Variants in RNF149 observed in about 807,000 individuals in gnomAD.
The protein encoded by RNF149 is ring finger protein 149.
RNF149 carries 21 observed loss-of-function variants against 39.0 expected under a neutral mutation model. That is an observed-to-expected ratio of 0.54 (90% CI 0.38 to 0.77). The LOEUF (loss-of-function observed/expected upper bound fraction) is 0.77. RNF149 is among the 30% of genes least tolerant of loss of function. The pLI is 0.00. For synonymous variants in RNF149, 209 were observed against 213.6 expected, an observed-to-expected ratio of 0.98 and a Z score of 0.19; for missense variants, 493 against 534.9, an observed-to-expected ratio of 0.92 and a Z score of 0.77.
chr2:101,298,444 TTAAA>T (rs1436766489), intron 1 of RNF149, among the ~76,000 whole-genome samples: 2 of 151,854 alleles, frequency 1.3e-5, no homozygotes, highest in East Asian at 3.9e-4. Flanking sequence ...AATAATAAAA[TTAAA>T]TAAATAAAAA....
chr2:101,298,126 G>A (rs527924769), intron 1 of RNF149, among the ~76,000 whole-genome samples: 8 of 152,248 alleles, frequency 5.3e-5, no homozygotes, highest in African/African-American at 1.9e-4. Context: ...TAACCAATGA[G>A]GTATCTATAA....
rs895977742 is a variant in RNF149, at chr2:101,276,998, C to G, written c.*240G>C. 9 of 1,235,226 alleles carry G rather than the reference C, an allele frequency of 7.3e-6. No homozygotes were observed. In the African/African-American group the frequency reaches 1.2e-4, roughly 17 times the overall value. 76.5% of individuals were successfully genotyped at this position (1,235,226 alleles called of 1,614,324 possible). On this transcript the variant is annotated 3_prime_UTR_variant, in exon 7 of 7. Transcript: ENST00000295317. ...CTGCCCCAGTTGTCTTTGTAATAGTCTGAAGCAACACACTGTTCATGGTAA... is the reference window on the plus strand; with the variant it reads ...CTGCCCCAGTTGTCTTTGTAATAGTGTGAAGCAACACACTGTTCATGGTAA...
At chr2:101,300,046 A>G (rs934135664) in intron 1 of RNF149, among the ~76,000 whole-genome samples, 1 of 152,256 alleles carries the variant, frequency 6.6e-6, no homozygotes, top group African/African-American at 2.4e-5. Flanking sequence ...GGGAATGAGA[A>G]TGACTCTATT....
At chr2:101,307,327 G>A (rs1683704140) in intron 1 of RNF149, among the ~76,000 whole-genome samples, 2 of 152,058 alleles carry the variant, frequency 1.3e-5, no homozygotes, top group Admixed American at 6.5e-5. Flanking sequence ...GACTACGGGC[G>A]GGCGCCACCA....
In RNF149 at chr2:101,275,987, A is replaced by G. The variant is rs1682332402; in HGVS notation, c.*1251T>C. The G allele has an allele frequency of 1.8e-5, 17 of 944,336 alleles. No individual in the cohort carries two copies. In the South Asian group the frequency reaches 8.3e-4, roughly 46 times the overall value. The allele number at this position is 944,336 out of a possible 1,614,324, so 58.5% of individuals were successfully genotyped here. ...CAGTAAAACTGTTTACTATTTCATG[A>G]TGAGTAGCTAGAATTAAAGCATTAA... On this transcript the variant is annotated 3_prime_UTR_variant, in exon 7 of 7. Transcript: ENST00000295317.
intron 6 of RNF149, among the ~76,000 whole-genome samples, chr2:101,278,370 C>A (rs1025800232): frequency 6.6e-6 from 1 of 152,086 alleles, no homozygotes; most frequent in Non-Finnish European, 1.5e-5. Context: ...TGGCCTCATG[C>A]GATGCAATCT....
chr2:101,284,994 A>G (rs1682739979), intron 5 of RNF149, among the ~76,000 whole-genome samples: 1 of 152,174 alleles, frequency 6.6e-6, no homozygotes, highest in African/African-American at 2.4e-5. Flanking sequence ...TCCCAGACTC[A>G]TGCGATCCTC....
intron 1 of RNF149, among the ~76,000 whole-genome samples, chr2:101,296,433 A>T (rs1683237566): frequency 6.6e-6 from 1 of 152,212 alleles, no homozygotes; most frequent in African/African-American, 2.4e-5. Flanking sequence ...AGATGATCAG[A>T]ACAATGTTTT....
chr2:101,286,418 G>A, intron 4 of RNF149: 1 of 327,180 alleles, frequency 3.1e-6, no homozygotes, highest in South Asian at 8.5e-5. Context: ...TCTCACGCTA[G>A]GTTGTACATT....
At chr2:101,305,800 C>T (rs2104442255) in intron 1 of RNF149, among the ~76,000 whole-genome samples, 1 of 152,194 alleles carries the variant, frequency 6.6e-6, no homozygotes, top group South Asian at 2.1e-4. Context: ...TCGTCTCTGG[C>T]TAATCTTTTA....
In RNF149 at chr2:101,276,563, T is replaced by G. The variant is rs555951187; in HGVS notation, c.*675A>C. The G allele has an allele frequency of 2.0e-6, 2 of 985,762 alleles. No homozygotes were observed. The highest frequency in any genetic ancestry group is 3.5e-5 in the African/African-American group (2 of 57,294). 61.1% of individuals were successfully genotyped at this position (985,762 alleles called of 1,614,324 possible). On this transcript the variant is annotated 3_prime_UTR_variant, in exon 7 of 7. Coordinates refer to ENST00000295317, the MANE Select transcript of RNF149 (RefSeq NM_173647.4). ...GCGATATAGAATCTTAGCTTTTTAT[T>G]TGTAGGAAAAAATAAACAGATTTCC...
rs1573214487 is a variant in RNF149 at position 101,275,872 on chromosome 2, T to A, written c.*1366A>T. On this transcript the variant is annotated 3_prime_UTR_variant, in exon 7 of 7. Transcript: ENST00000295317. ...GGCTGTTATGGAAACCTACTTGAGG[T>A]TGTCTGCTAAAACCAACTCAGTGTG... is the stretch of plus-strand genomic sequence containing the variant. 1 of 985,090 alleles carries A rather than the reference T, an allele frequency of 1.0e-6. No individual in the cohort carries two copies. The highest frequency in any genetic ancestry group is 1.7e-5 in the African/African-American group (1 of 57,224). The allele number at this position is 985,090 out of a possible 1,614,324, so 61.0% of individuals were successfully genotyped here. A position where few individuals can be genotyped will look rare whatever the true frequency, so the allele number is the denominator to read the frequency against.
At chr2:101,292,161 T>C (rs937532766) in intron 3 of RNF149, among the ~76,000 whole-genome samples, 2 of 152,242 alleles carry the variant, frequency 1.3e-5, no homozygotes, top group Non-Finnish European at 2.9e-5. Flanking sequence ...TGGTTTCTAC[T>C]GAATGTGTAT....
intron 1 of RNF149, among the ~76,000 whole-genome samples, chr2:101,304,063 T>C (rs995455847): frequency 1.3e-5 from 2 of 152,358 alleles, no homozygotes; most frequent in Middle Eastern, 6.8e-3. Flanking sequence ...AATTTCCACC[T>C]ACCTTGGTCA....
intron 1 of RNF149, among the ~76,000 whole-genome samples, chr2:101,300,405 AAC>A (rs1683406964): frequency 6.6e-6 from 1 of 152,220 alleles, no homozygotes; most frequent in Admixed American, 6.5e-5. Flanking sequence ...ATACTGCCGC[AAC>A]AAGTATCAGG....
At chr2:101,288,403 A>T (rs575386620) in intron 4 of RNF149, among the ~76,000 whole-genome samples, 1 of 151,654 alleles carries the variant, frequency 6.6e-6, no homozygotes, top group African/African-American at 2.4e-5. Context: ...ACACCCGGCT[A>T]ATTTTTGTAT....
intron 1 of RNF149, among the ~76,000 whole-genome samples, chr2:101,301,990 C>G (rs1683470565): frequency 6.6e-6 from 1 of 152,190 alleles, no homozygotes; most frequent in Non-Finnish European, 1.5e-5. Flanking sequence ...CTATAAACTT[C>G]CAGGTTTTCT....
At chr2:101,280,238 A>AT (rs1407820265) in intron 6 of RNF149, among the ~76,000 whole-genome samples, 1 of 151,920 alleles carries the variant, frequency 6.6e-6, no homozygotes, top group Non-Finnish European at 1.5e-5. Context: ...TAGTCCAGAA[A>AT]TTTTTTAAAA....
chr2:101,284,427 A>C (rs1682713662), intron 5 of RNF149, among the ~76,000 whole-genome samples: 1 of 152,116 alleles, frequency 6.6e-6, no homozygotes, highest in African/African-American at 2.4e-5. Flanking sequence ...AAAAAATATA[A>C]AAAATTAGCT....
Sources: allele counts gnomAD v4.1 joint callset (sites outside exome capture counted in the v4.1 genomes callset), GRCh38; gene constraint gnomAD v4.1.1; transcripts MANE v1.5; gene names NCBI Gene and HGNC (gene_info 2026-07-23, HGNC 2026-07-21).